Variants in TNR observed in about 807,000 individuals in gnomAD.
The protein encoded by TNR is tenascin R.
A neutral mutation model predicts 150.4 loss-of-function variants in TNR; 45 were observed. The ratio of observed to expected loss-of-function variants is 0.30; its 90% CI spans 0.24 to 0.38. TNR has a LOEUF of 0.38. Ranked by LOEUF, TNR falls within the 10% of genes least tolerant of loss-of-function variation. The pLI, the probability that TNR is intolerant of heterozygous loss-of-function variation, is 1.00. For synonymous variants in TNR, 687 were observed against 678.4 expected, an observed-to-expected ratio of 1.01 and a Z score of -0.20; for missense variants, 1,544 against 1,759.1, an observed-to-expected ratio of 0.88 and a Z score of 2.19.
chr1:175,722,814 C>T (rs188360775), intron 1 of TNR, among the ~76,000 whole-genome samples: 2 of 150,362 alleles, frequency 1.3e-5, no homozygotes, highest in African/African-American at 4.9e-5. Context: ...GCCCCCGAGA[C>T]AGAGTCTTAC....
In TNR at chr1:175,502,240, C is replaced by A. The variant is rs75762997; in HGVS notation, c.-64+26029G>T. Among the ~76,000 whole-genome samples, 1,222 of 152,220 alleles carry A rather than the reference C, an allele frequency of 8.0e-3. 15 individuals carry two copies. The highest frequency in any genetic ancestry group is 0.028 in the African/African-American group (1,157 of 41,520). ...GGATTTCAAAAAGCTTCCCACGTAA[C>A]CCTAATATGCACCAAAGTTTGGGAA... On this transcript the variant is annotated intron_variant, in intron 2 of 22. Transcript: ENST00000367674.
intron 1 of TNR, among the ~76,000 whole-genome samples, chr1:175,651,460 T>TA (rs1664994040): frequency 6.6e-6 from 1 of 151,912 alleles, no homozygotes; most frequent in African/African-American, 2.4e-5. Context: ...CAGACATTTT[T>TA]AAAAAAATAG....
intron 1 of TNR, among the ~76,000 whole-genome samples, chr1:175,547,564 GGAAAGAAAGAAAGAAAGAAAGAAAGAAA>G (rs61602065): frequency 7.6e-6 from 1 of 130,994 alleles, no homozygotes; most frequent in African/African-American, 3.1e-5. Context: ...AAAGATAGAA[GGAAAGAAAGAAAGAAAGAAAGAAAGAAA>G]GAAAGAAAGA....
At chr1:175,720,739 G>A (rs973947483) in intron 1 of TNR, among the ~76,000 whole-genome samples, 2 of 152,164 alleles carry the variant, frequency 1.3e-5, no homozygotes, top group African/African-American at 4.8e-5. Flanking sequence ...TAGGACAGAA[G>A]TTTCCTGCCC....
chr1:175,707,053 G>C (rs1173146221), intron 1 of TNR, among the ~76,000 whole-genome samples: 1 of 152,204 alleles, frequency 6.6e-6, no homozygotes, highest in Non-Finnish European at 1.5e-5. Flanking sequence ...AGAAATTGGA[G>C]TGATGACTCC....
Position 175,366,184 on chromosome 1 carries a change from G to A in TNR, c.2054-46C>T, listed in dbSNP as rs780829857. ...CCTATTTTACATGTGTTCCCCTGGAGGGCAGTATTTATTGGCCTGCTTTGT... is the reference window on the plus strand; with the variant it reads ...CCTATTTTACATGTGTTCCCCTGGAAGGCAGTATTTATTGGCCTGCTTTGT... On this transcript the variant is annotated intron_variant, in intron 10 of 22. Coordinates refer to ENST00000367674, the MANE Select transcript of TNR (RefSeq NM_003285.3). 13 of 1,537,482 alleles carry A rather than the reference G, an allele frequency of 8.5e-6. No homozygotes were observed. The South Asian group carries it at 1.6e-4, about 18-fold the overall frequency.
rs748414494 is a variant in TNR, at chr1:175,337,673, C to T, written c.3389G>A (p.Arg1130Gln). ...ACAGTCTTGGGGATGAGGGAACACC[C>T]GGCCTCCTGCAAGGAAAATAGACAA... is the stretch of plus-strand genomic sequence containing the variant. ...ITSTAFTTGG[R>Q]VFPHPQDCAQ... Residue 1130 changes from arginine to glutamine, a missense_variant, in exon 19 of 23, where the codon CGG becomes CAG. Arg to Gln is a conservative substitution (Grantham distance 43). Coordinates refer to ENST00000367674, the MANE Select transcript of TNR (RefSeq NM_003285.3). 73 of 1,613,956 alleles carry T rather than the reference C, an allele frequency of 4.5e-5. No homozygotes were observed. Among genetic ancestry groups the T allele is most frequent in the African/African-American group, 1.2e-4 (9 of 74,928 alleles).
chr1:175,331,694 A>G (rs991517244), intron 20 of TNR, among the ~76,000 whole-genome samples: 5 of 152,104 alleles, frequency 3.3e-5, no homozygotes, highest in Non-Finnish European at 5.9e-5. Flanking sequence ...CTGAGTCCTA[A>G]TTTTTATCTG....
chr1:175,666,884 C>T lies in TNR; in HGVS notation c.-165+76342G>A, dbSNP rs1314367925. ...ACCTCAGCCTCTCCAGTAGCTAGGA[C>T]TACAGGCACACACCACCATGTATGG... On this transcript the variant is annotated intron_variant, in intron 1 of 22. Coordinates refer to ENST00000367674, the MANE Select transcript of TNR (RefSeq NM_003285.3). 4.6e-5 allele frequency among the ~76,000 whole-genome samples: 7 copies of T among 152,166 alleles called. 1 individual carries two copies. The highest frequency in any genetic ancestry group is 9.7e-5 in the African/African-American group (4 of 41,430).
chr1:175,340,852 GTC>G (rs1650486380), intron 18 of TNR, among the ~76,000 whole-genome samples: 1 of 152,022 alleles, frequency 6.6e-6, no homozygotes, highest in African/African-American at 2.4e-5. Context: ...TTGAATGTCT[GTC>G]TCTCTCTCCC....
intron 1 of TNR, among the ~76,000 whole-genome samples, chr1:175,742,233 A>G (rs1667950723): frequency 1.3e-5 from 2 of 152,346 alleles, no homozygotes; most frequent in African/African-American, 4.8e-5. Context: ...TGAAGAAAGA[A>G]GTAATAATGA....
In TNR at chr1:175,319,170, G is replaced by C. The variant is rs1357326363; in HGVS notation, c.*4187C>G. The C allele has an allele frequency of 6.6e-6, 1 of 152,160 alleles. No individual in the cohort carries two copies. Among genetic ancestry groups the C allele is most frequent in the Non-Finnish European group, 1.5e-5 (1 of 68,060 alleles). The allele number at this position is 152,160 out of a possible 1,614,324, so 9.4% of individuals were successfully genotyped here. On this transcript the variant is annotated 3_prime_UTR_variant, in exon 23 of 23. Transcript: ENST00000367674. The stretch of plus-strand genomic sequence containing the variant: ...TGGCCCCACCTTTCCTGAAATTCTG[G>C]GTGGAGGTTACAAAAAAGAAAAAGA...
chr1:175,624,445 T>TA (rs1173487771), intron 1 of TNR, among the ~76,000 whole-genome samples: 2 of 151,866 alleles, frequency 1.3e-5, no homozygotes, highest in African/African-American at 4.8e-5. Flanking sequence ...GGTATCTTTA[T>TA]AAAAAAAGGA....
intron 2 of TNR, among the ~76,000 whole-genome samples, chr1:175,422,100 G>GCACCA (rs1654776105): frequency 6.6e-6 from 1 of 152,202 alleles, no homozygotes; most frequent in African/African-American, 2.4e-5. Context: ...TTAGGTGAGG[G>GCACCA]CACCAGGATT....
intron 1 of TNR, among the ~76,000 whole-genome samples, chr1:175,685,768 C>G (rs1666176427): frequency 6.6e-6 from 1 of 152,160 alleles, no homozygotes; most frequent in Admixed American, 6.6e-5. Context: ...CAAACATCTC[C>G]CTCTGCAAAA....
chr1:175,327,518 T>G (rs1216115457), intron 21 of TNR, among the ~76,000 whole-genome samples: 1 of 152,184 alleles, frequency 6.6e-6, no homozygotes, highest in East Asian at 1.9e-4. Flanking sequence ...TTTTTCTTCT[T>G]GGGACCTACA....
intron 2 of TNR, among the ~76,000 whole-genome samples, chr1:175,493,378 G>A (rs1366512572): frequency 6.6e-6 from 1 of 152,140 alleles, no homozygotes; most frequent in African/African-American, 2.4e-5. Context: ...ACTTTCCCGG[G>A]CCATCTCCTT....
chr1:175,592,380 T>C (rs1204411043), intron 1 of TNR, among the ~76,000 whole-genome samples: 1 of 152,218 alleles, frequency 6.6e-6, no homozygotes, highest in East Asian at 1.9e-4. Context: ...AGCTCACATA[T>C]CTCAGGTTTG....
In TNR at chr1:175,343,891, T is replaced by C. The variant is rs536394326; in HGVS notation, c.3383-6212A>G. Among the ~76,000 whole-genome samples the C allele has an allele frequency of 7.2e-5, 11 of 152,320 alleles. No individual in the cohort carries two copies. The East Asian group carries it at 1.9e-3, about 27-fold the overall frequency. On this transcript the variant is annotated intron_variant, in intron 18 of 22. Coordinates refer to ENST00000367674, the MANE Select transcript of TNR (RefSeq NM_003285.3). Reference sequence around the variant, plus strand: ...CATTCACAATGTCACCTTCAACCCATGGTGTTACTGGAAGGCAGGCCTCGA... The same window carrying C: ...CATTCACAATGTCACCTTCAACCCACGGTGTTACTGGAAGGCAGGCCTCGA...
Sources: allele counts gnomAD v4.1 joint callset (sites outside exome capture counted in the v4.1 genomes callset), GRCh38; gene constraint gnomAD v4.1.1; transcripts MANE v1.5; gene names NCBI Gene and HGNC (gene_info 2026-07-23, HGNC 2026-07-21).